KIF2A: variants seen among roughly 807,000 people sequenced by gnomAD.
KIF2A encodes kinesin family member 2A.
In KIF2A, 22 loss-of-function variants were observed where a neutral mutation model predicts 100.2. That is an observed-to-expected ratio of 0.22 (90% confidence interval 0.16 to 0.31). KIF2A has a LOEUF of 0.31. Ranked by LOEUF, KIF2A falls within the 10% of genes least tolerant of loss-of-function variation. The probability of loss-of-function intolerance (pLI) is 1.00; values close to 1 mark genes in which losing one functional copy is unlikely to be tolerated. For synonymous variants in KIF2A, 268 were observed against 285.9 expected, an observed-to-expected ratio of 0.94 and a Z score of 0.63; for missense variants, 495 against 898.7, an observed-to-expected ratio of 0.55 and a Z score of 5.74.
Position 62,306,213 on chromosome 5 carries a change from C to A in KIF2A, c.-260C>A, listed in dbSNP as rs989301254. 1 of 448,840 alleles carries A rather than the reference C, an allele frequency of 2.2e-6. No homozygotes were observed. 27.8% of individuals were successfully genotyped at this position (448,840 alleles called of 1,614,324 possible). On this transcript the variant is annotated 5_prime_UTR_variant, in exon 1 of 21. Coordinates refer to ENST00000407818, the MANE Select transcript of KIF2A (RefSeq NM_001098511.3). Reference sequence around the variant, plus strand: ...GGCGGTGCGGGCCCTCCCACTCTACCCCGCGCCGTCTCACGGCCCCGGCCC... The same window carrying A: ...GGCGGTGCGGGCCCTCCCACTCTACACCGCGCCGTCTCACGGCCCCGGCCC...
chr5:62,337,228 A>G (rs537717071), intron 1 of KIF2A, among the ~76,000 whole-genome samples: 6 of 152,320 alleles, frequency 3.9e-5, no homozygotes, highest in African/African-American at 1.4e-4. Context: ...ACGGTGGCTC[A>G]TGGCTGCAAT....
At chr5:62,327,651 TTATG>T (rs1746445058) in intron 1 of KIF2A, among the ~76,000 whole-genome samples, 1 of 152,210 alleles carries the variant, frequency 6.6e-6, no homozygotes, top group Non-Finnish European at 1.5e-5. Flanking sequence ...TCATTCTTCT[TTATG>T]TACCTTTTGT....
At chr5:62,314,285 G>C (rs1010834779) in intron 1 of KIF2A, among the ~76,000 whole-genome samples, 3 of 152,040 alleles carry the variant, frequency 2.0e-5, no homozygotes, top group African/African-American at 7.2e-5. Flanking sequence ...TGGGCAACAT[G>C]ATGAGGCTCT....
chr5:62,352,759 TTC>T (rs1747917764), intron 5 of KIF2A, 49 bp downstream of exon 5: 1 of 1,522,136 alleles, frequency 6.6e-7, no homozygotes, highest in Non-Finnish European at 9.0e-7. Context: ...CATACATGTA[TTC>T]TCTCTTGGTC....
Position 62,363,971 on chromosome 5 carries a change from T to C in KIF2A, c.1467+72T>C, listed in dbSNP as rs972274954. ...TAATTTTCTTTACTCAGTTGCAAAA[T>C]AGTAGTACTTGTTTTACCTAATAAA... On this transcript the variant is annotated intron_variant, in intron 14 of 20. Coordinates refer to ENST00000407818, the MANE Select transcript of KIF2A (RefSeq NM_001098511.3). 2.6e-6 allele frequency: 3 copies of C among 1,153,034 alleles called. No individual in the cohort carries two copies. The African/African-American group carries it at 4.7e-5, about 18-fold the overall frequency. The allele number at this position is 1,153,034 out of a possible 1,614,324, so 71.4% of individuals were successfully genotyped here. A position where few individuals can be genotyped will look rare whatever the true frequency, so the allele number is the denominator to read the frequency against.
At chr5:62,365,414 A>G (rs1741019403) in intron 15 of KIF2A, 61 bp downstream of exon 15, 1 of 808,242 alleles carries the variant, frequency 1.2e-6, no homozygotes, top group Non-Finnish European at 2.0e-6. Context: ...ACTACACAAT[A>G]TTTATGGAAA....
chr5:62,385,687 C>T lies in KIF2A; in HGVS notation c.*118C>T. On this transcript the variant is annotated 3_prime_UTR_variant, in exon 21 of 21. Coordinates refer to ENST00000407818, the MANE Select transcript of KIF2A (RefSeq NM_001098511.3). ...AAGTGTCTGTGGAAAATGTTTTGTC[C>T]TTCACCTGAATTACATTTCAATTTT... 1.5e-6 allele frequency: 1 copy of T among 678,060 alleles called. No homozygotes were observed. The highest frequency in any genetic ancestry group is 2.6e-6 in the Non-Finnish European group (1 of 388,882). 42.0% of individuals were successfully genotyped at this position (678,060 alleles called of 1,614,324 possible).
intron 6 of KIF2A, among the ~76,000 whole-genome samples, chr5:62,354,808 C>T (rs1355335273): frequency 2.0e-5 from 3 of 152,064 alleles, no homozygotes; most frequent in Admixed American, 6.5e-5. Context: ...CCAGTGGTAA[C>T]ATGAGCATTA....
At chr5:62,358,869 C>T (rs1318063307) in intron 9 of KIF2A, among the ~76,000 whole-genome samples, 2 of 152,208 alleles carry the variant, frequency 1.3e-5, no homozygotes, top group African/African-American at 4.8e-5. Context: ...TGAGGTTTCG[C>T]CATGTTGCCC....
Position 62,363,745 on chromosome 5 carries a change from T to G in KIF2A, c.1313T>G (p.Val438Gly). ...ANAHSSRSHA[V>G]FQIILRRKGK... The stretch of plus-strand genomic sequence containing the variant: ...GCACATTCATCTCGGAGCCATGCAG[T>G]GTTTCAGATTATTCTTAGAAGGAAA... Residue 438 changes from valine (V) to glycine (G), a missense_variant, in exon 14 of 21, where the codon GTG becomes GGG. Physicochemically the swap from Val to Gly is moderately radical, Grantham distance 109. Transcript: ENST00000407818. 1 of 1,613,926 alleles carries G rather than the reference T, an allele frequency of 6.2e-7. No individual in the cohort carries two copies. Among genetic ancestry groups the G allele is most frequent in the East Asian group, 2.2e-5 (1 of 44,864 alleles).
Position 62,347,005 on chromosome 5 carries a change from A to G in KIF2A, c.65-125A>G. On this transcript the variant is annotated intron_variant, in intron 1 of 20. Coordinates refer to ENST00000407818, the MANE Select transcript of KIF2A (RefSeq NM_001098511.3). ...TCCCTGTTCCTGAGGGTCTGTGGAA[A>G]TCTCTTGTAAGGAAAAGTAGTGTCA... 3 of 601,850 alleles carry G rather than the reference A, an allele frequency of 5.0e-6. No individual in the cohort carries two copies. In the South Asian group the frequency reaches 6.2e-5, roughly 12 times the overall value. 37.3% of individuals were successfully genotyped at this position (601,850 alleles called of 1,614,324 possible).
chr5:62,330,155 A>T (rs1746562150), intron 1 of KIF2A, among the ~76,000 whole-genome samples: 1 of 152,174 alleles, frequency 6.6e-6, no homozygotes, highest in African/African-American at 2.4e-5. Flanking sequence ...GTTTGAGACC[A>T]GCCTGGGCAA....
chr5:62,343,314 T>C (rs1747395045), intron 1 of KIF2A, among the ~76,000 whole-genome samples: 1 of 152,212 alleles, frequency 6.6e-6, no homozygotes, highest in South Asian at 2.1e-4. Flanking sequence ...TCTCCTCTAA[T>C]GCCCATCTGT....
At chr5:62,374,024 C>A (rs1741432693) in intron 18 of KIF2A, among the ~76,000 whole-genome samples, 187 bp downstream of exon 18, 1 of 152,110 alleles carries the variant, frequency 6.6e-6, no homozygotes, top group African/African-American at 2.4e-5. Context: ...CCAGCCTGGA[C>A]AATTTAATGA....
In KIF2A at chr5:62,348,955, AC is replaced by A. The variant is rs201115769; in HGVS notation, c.279+789del. 4.3e-3 allele frequency among the ~76,000 whole-genome samples: 650 copies of A among 152,316 alleles called. 7 individuals carry two copies. The South Asian group carries it at 0.043, about 10-fold the overall frequency. On this transcript the variant is annotated intron_variant, in intron 3 of 20. Transcript: ENST00000407818. ...AGGAACTTGATATCTTTCAGGGAGG[AC>A]ATAGATAAGCATTTAAATATAGTAT...
intron 1 of KIF2A, among the ~76,000 whole-genome samples, chr5:62,342,356 C>T (rs990449719): frequency 1.3e-5 from 2 of 152,182 alleles, no homozygotes; most frequent in African/African-American, 4.8e-5. Context: ...TAAACTCATC[C>T]TCTTTCTCAT....
At position 62,348,040 on chromosome 5, in the gene KIF2A, G is replaced by A. The variant is rs1367903853; in HGVS notation, c.160-8G>A. On this transcript the variant is annotated splice_polypyrimidine_tract_variant and splice_region_variant and intron_variant, in intron 2 of 20. Transcript: ENST00000407818. ...TCTCAAAAGACTATGTGTATGTGTT[G>A]TGAACAGATTGACCTGGAGAGCATC... 3 of 1,613,404 alleles carry A rather than the reference G, an allele frequency of 1.9e-6. No individual in the cohort carries two copies. The South Asian group carries it at 3.3e-5, about 18-fold the overall frequency.
chr5:62,336,290 T>TA (rs1746942045), intron 1 of KIF2A, among the ~76,000 whole-genome samples: 1 of 152,216 alleles, frequency 6.6e-6, no homozygotes. Flanking sequence ...CGGCTCCTCT[T>TA]AAAAATGCTG....
intron 1 of KIF2A, among the ~76,000 whole-genome samples, chr5:62,321,602 T>C (rs1397333563): frequency 6.6e-6 from 1 of 152,150 alleles, no homozygotes; most frequent in Non-Finnish European, 1.5e-5. Flanking sequence ...TTATTCTGTC[T>C]CCCAGACTGG....
Sources: gnomAD v4.1 joint callset for allele counts (sites outside exome capture counted in the v4.1 genomes callset) on GRCh38, gnomAD v4.1.1 for gene constraint, MANE v1.5 for transcripts, NCBI Gene and HGNC (gene_info 2026-07-23, HGNC 2026-07-21) for gene names.